Variants in KDM7A observed in about 807,000 individuals in gnomAD.
The protein encoded by KDM7A is lysine demethylase 7A, also known as lysine-specific demethylase 7A.
Under a neutral mutation model 114.8 loss-of-function variants are expected in KDM7A, and 28 were observed. The ratio of observed to expected loss-of-function variants is 0.24; its 90% CI spans 0.18 to 0.33. The LOEUF (loss-of-function observed/expected upper bound fraction) is 0.33. Ranked by LOEUF, KDM7A falls within the 10% of genes least tolerant of loss-of-function variation. The pLI is 1.00. For missense variants in KDM7A, 942 were observed against 1,142.5 expected (o/e 0.82, Z 2.53); for synonymous variants, 423 against 397.8 (o/e 1.06, Z -0.75).
intron 1 of KDM7A, among the ~76,000 whole-genome samples, chr7:140,155,133 G>A (rs1794444705): frequency 6.6e-6 from 1 of 152,054 alleles, no homozygotes; most frequent in Admixed American, 6.5e-5. Flanking sequence ...AACCTCAAAA[G>A]AAACAAACAA....
rs1250422701 is a variant in KDM7A, at chr7:140,087,268, T to C, written c.*3826A>G. 6.6e-6 allele frequency: 1 copy of C among 152,188 alleles called. No individual in the cohort carries two copies. Among genetic ancestry groups the C allele is most frequent in the African/African-American group, 2.4e-5 (1 of 41,454 alleles). 9.4% of individuals were successfully genotyped at this position (152,188 alleles called of 1,614,324 possible). On this transcript the variant is annotated 3_prime_UTR_variant, in exon 20 of 20. Coordinates refer to ENST00000397560, the MANE Select transcript of KDM7A (RefSeq NM_030647.2). ...TGCTGAATCTGTGGGGATGGTACTT[T>C]CCTAATTCTTCAAGAAAAACCTAAA...
intron 11 of KDM7A, among the ~76,000 whole-genome samples, chr7:140,106,513 C>T (rs1275881282): frequency 6.6e-6 from 1 of 152,196 alleles, no homozygotes; most frequent in Non-Finnish European, 1.5e-5. Context: ...TTTCAAAGAA[C>T]ATCCTTATTT....
intron 6 of KDM7A, among the ~76,000 whole-genome samples, chr7:140,125,843 T>C (rs1344133472): frequency 1.6e-4 from 23 of 145,968 alleles, no homozygotes; most frequent in Admixed American, 3.4e-4. Context: ...TCAAGTGATC[T>C]TCCTGCCTCA....
rs1817994255 is a variant in KDM7A at position 140,090,016 on chromosome 7, T to A, written c.*1078A>T. ...ACAAATCAGGTATGGAGCATAAAAG[T>A]ATCATAAGGTATAACCTCTGCAGCA... On this transcript the variant is annotated 3_prime_UTR_variant, in exon 20 of 20. Transcript: ENST00000397560. The A allele has an allele frequency of 6.6e-6, 1 of 152,194 alleles. No homozygotes were observed. The highest frequency in any genetic ancestry group is 2.4e-5 in the African/African-American group (1 of 41,442). 9.4% of individuals were successfully genotyped at this position (152,194 alleles called of 1,614,324 possible).
chr7:140,114,934 G>A, intron 9 of KDM7A, among the ~76,000 whole-genome samples: 1 of 148,508 alleles, frequency 6.7e-6, no homozygotes, highest in East Asian at 2.0e-4. Context: ...CCTCCGCCCG[G>A]AAGCCGCCCC....
rs1562946148 is a variant in KDM7A at position 140,100,735 on chromosome 7, TATATATAC to T, written c.1639-720_1639-713del. On this transcript the variant is annotated intron_variant, in intron 12 of 19. Transcript: ENST00000397560. ...ACATATATATATATATATATATATA[TATATATAC>T]ATATATATTTTTTTGTTTGTTTGTT... is the stretch of plus-strand genomic sequence containing the variant. 6.0e-3 allele frequency among the ~76,000 whole-genome samples: 312 copies of T among 51,594 alleles called. 4 individuals carry two copies. Among genetic ancestry groups the T allele is most frequent in the African/African-American group, 0.021 (295 of 13,836 alleles). The allele number at this position is 51,594 out of a possible 152,430, so 33.8% of individuals were successfully genotyped here.
intron 1 of KDM7A, among the ~76,000 whole-genome samples, chr7:140,148,020 A>C (rs1794358136): frequency 6.6e-6 from 1 of 152,190 alleles, no homozygotes; most frequent in African/African-American, 2.4e-5. Context: ...AAACATACTA[A>C]GTCATAAACA....
chr7:140,158,227 A>G (rs1000379127), intron 1 of KDM7A, among the ~76,000 whole-genome samples: 5 of 152,318 alleles, frequency 3.3e-5, no homozygotes, highest in African/African-American at 9.6e-5. Flanking sequence ...TCATTTAAGT[A>G]TTGACTTACA....
Position 140,086,895 on chromosome 7 carries a change from G to A in KDM7A, c.*4199C>T, listed in dbSNP as rs183679504. 1.3e-5 allele frequency: 2 copies of A among 152,034 alleles called. No homozygotes were observed. Among genetic ancestry groups the A allele is most frequent in the African/African-American group, 2.4e-5 (1 of 41,446 alleles). The allele number at this position is 152,034 out of a possible 1,614,324, so 9.4% of individuals were successfully genotyped here. On this transcript the variant is annotated 3_prime_UTR_variant, in exon 20 of 20. Transcript: ENST00000397560. Reference sequence around the variant, plus strand: ...GAGCTCTAGCTTCTCTTTATGTGGCGAGCAATTAACAATATTTAATGAGAA... The same window carrying A: ...GAGCTCTAGCTTCTCTTTATGTGGCAAGCAATTAACAATATTTAATGAGAA...
chr7:140,118,735 C>A (rs1818572241), intron 9 of KDM7A, among the ~76,000 whole-genome samples: 1 of 152,010 alleles, frequency 6.6e-6, no homozygotes, highest in East Asian at 1.9e-4. Context: ...TTTTTAAAAG[C>A]AAATTTTGGG....
intron 13 of KDM7A, 87 bp from the exon 14 acceptor site, chr7:140,099,120 G>T: frequency 9.8e-7 from 1 of 1,015,694 alleles, no homozygotes; most frequent in South Asian, 1.5e-5. Context: ...AATTTACAAA[G>T]AGTAGAGAAT....
In KDM7A at chr7:140,102,076, A is replaced by G; in HGVS notation, c.1513T>C (p.Tyr505His). 1 of 1,613,874 alleles carries G rather than the reference A, an allele frequency of 6.2e-7. No homozygotes were observed. The highest frequency in any genetic ancestry group is 8.5e-7 in the Non-Finnish European group (1 of 1,179,748). Residue 505 changes from tyrosine to histidine, a missense_variant, in exon 12 of 20, where the codon TAC becomes CAC. Transcript: ENST00000397560. ...SRSSNEATSP[Y>H]HSRRKMRKLR... is the part of the protein sequence containing the mutation. Reference sequence around the variant, plus strand: ...TTCCTCATCTTTCTTCGGGAATGGTATGGGGAAGTTGCTTCATTTGAGGAT... The same window carrying G: ...TTCCTCATCTTTCTTCGGGAATGGTGTGGGGAAGTTGCTTCATTTGAGGAT...
At chr7:140,119,310 T>C in intron 8 of KDM7A, 91 bp from the exon 9 acceptor site, 1 of 660,158 alleles carries the variant, frequency 1.5e-6, no homozygotes, top group East Asian at 2.8e-5. Flanking sequence ...AACCAGGTCA[T>C]GATATGTAAG....
chr7:140,091,723 G>A, intron 19 of KDM7A, 81 bp downstream of exon 19: 1 of 1,462,172 alleles, frequency 6.8e-7, no homozygotes, highest in South Asian at 1.2e-5. Context: ...CAACTTGAGT[G>A]CAGAGACTAC....
chr7:140,142,042 T>C (rs1195986887), intron 1 of KDM7A, among the ~76,000 whole-genome samples: 1 of 147,564 alleles, frequency 6.8e-6, no homozygotes, highest in Non-Finnish European at 1.5e-5. Flanking sequence ...TAAAAAGATA[T>C]TTATATATCA....
intron 5 of KDM7A, among the ~76,000 whole-genome samples, 159 bp from the exon 6 acceptor site, chr7:140,126,982 CAG>C (rs1159711348): frequency 6.6e-6 from 1 of 152,204 alleles, no homozygotes; most frequent in Non-Finnish European, 1.5e-5. Flanking sequence ...GTTTTTGAGA[CAG>C]AGTCTTGCTC....
chr7:140,154,242 T>C (rs780506148), intron 1 of KDM7A, among the ~76,000 whole-genome samples: 3 of 151,828 alleles, frequency 2.0e-5, no homozygotes, highest in African/African-American at 7.3e-5. Flanking sequence ...ACCCAGCACT[T>C]TGGGAGGCTA....
At chr7:140,105,249 C>T (rs1175172493) in intron 11 of KDM7A, among the ~76,000 whole-genome samples, 2 of 152,204 alleles carry the variant, frequency 1.3e-5, no homozygotes, top group Non-Finnish European at 2.9e-5. Flanking sequence ...GACAATTTGA[C>T]TTCCTCTCTT....
At chr7:140,145,040 C>A (rs1345922972) in intron 1 of KDM7A, among the ~76,000 whole-genome samples, 1 of 152,162 alleles carries the variant, frequency 6.6e-6, no homozygotes, top group African/African-American at 2.4e-5. Flanking sequence ...TCAATTAAAC[C>A]TCTTCTCTAT....
Sources: allele counts gnomAD v4.1 joint callset (sites outside exome capture counted in the v4.1 genomes callset), GRCh38; gene constraint gnomAD v4.1.1; transcripts MANE v1.5; gene names NCBI Gene and HGNC (gene_info 2026-07-23, HGNC 2026-07-21).